The following CCNP variants were observed in gnomAD, a reference collection of about 807,000 sequenced individuals.
The protein encoded by CCNP is cyclin P.
Under a neutral mutation model 19.6 loss-of-function variants are expected in CCNP, and 18 were observed. The ratio of observed to expected loss-of-function variants is 0.92; its 90% confidence interval spans 0.64 to 1.36. The LOEUF (loss-of-function observed/expected upper bound fraction) is 1.36. Among genes scored for constraint, CCNP ranks in the 40% most tolerant of loss-of-function variants. CCNP has a pLI of 0.00. For missense variants in CCNP, 440 were observed against 424.4 expected (o/e 1.04, Z -0.32); for synonymous variants, 228 against 194.9 (o/e 1.17, Z -1.41).
rs762786202 is a variant in CCNP, at chr19:40,224,660, G to T, written c.358-17C>A. On this transcript the variant is annotated splice_polypyrimidine_tract_variant and intron_variant, in intron 2 of 4. Coordinates refer to ENST00000430325, the MANE Select transcript of CCNP (RefSeq NM_024877.4). ...CAGGTACTCCTGAGGAGGGGCAAGGGTGACCACGGGGTCCTGGGCGGCGAC... is the reference window on the plus strand; with the variant it reads ...CAGGTACTCCTGAGGAGGGGCAAGGTTGACCACGGGGTCCTGGGCGGCGAC... 2 of 1,614,094 alleles carry T rather than the reference G, an allele frequency of 1.2e-6. No homozygotes were observed. The highest frequency in any genetic ancestry group is 1.7e-6 in the Non-Finnish European group (2 of 1,179,974).
rs535847119 is a variant in CCNP, at chr19:40,222,284, T to A, written c.*768A>T. The stretch of plus-strand genomic sequence containing the variant: ...AGGGTTTTGTTTTTTGTTGTTGATT[T>A]TTTTGTGACTGAGTCCCAGTACTCA... On this transcript the variant is annotated 3_prime_UTR_variant, in exon 5 of 5. Coordinates refer to ENST00000430325, the MANE Select transcript of CCNP (RefSeq NM_024877.4). 1 of 398,860 alleles carries A rather than the reference T, an allele frequency of 2.5e-6. No homozygotes were observed. The highest frequency in any genetic ancestry group is 3.6e-5 in the East Asian group (1 of 28,072). The allele number at this position is 398,860 out of a possible 1,614,324, so 24.7% of individuals were successfully genotyped here.
intron 3 of CCNP, 50 bp from the exon 4 acceptor site, chr19:40,223,596 C>T (rs776589524): frequency 2.1e-5 from 34 of 1,602,046 alleles, no homozygotes; most frequent in Non-Finnish European, 2.6e-5. Context: ...GATCCGGGCT[C>T]TTTACTCCCT....
Position 40,222,781 on chromosome 19 carries a change from C to CCATGGTTCGCCCTGCCACCTGGTAG in CCNP, c.*246_*270dup, listed in dbSNP as rs1568500582. 10 of 447,628 alleles carry CCATGGTTCGCCCTGCCACCTGGTAG rather than the reference C, an allele frequency of 2.2e-5. No homozygotes were observed. The highest frequency in any genetic ancestry group is 1.8e-4 in the African/African-American group (9 of 49,224). The allele number at this position is 447,628 out of a possible 1,614,324, so 27.7% of individuals were successfully genotyped here. On this transcript the variant is annotated 3_prime_UTR_variant, in exon 5 of 5. Transcript: ENST00000430325. ...TGCTGGGTGCACAGGCTGAGGGAAA[C>CCATGGTTCGCCCTGCCACCTGGTAG]CATGGTTCGCCCTGCCACCTGGTAG...
Position 40,226,458 on chromosome 19 carries a change from G to A in CCNP, c.184C>T (p.Pro62Ser). ...PTVSPRRLAR[P>S]PGLEEALSAL... ...CTCAGCGCCTCCTCCAGCCCCGGCG[G>A]CCTCGCCAGGCGTCTTGGGGAGACA... Residue 62 changes from proline (P) to serine (S), a missense_variant, in exon 1 of 5, where the codon CCG (proline) becomes TCG (serine). By Grantham distance (74) the Pro-to-Ser change is moderately conservative. Coordinates refer to ENST00000430325, the MANE Select transcript of CCNP (RefSeq NM_024877.4). 2 of 1,608,050 alleles carry A rather than the reference G, an allele frequency of 1.2e-6. No individual in the cohort carries two copies. Among genetic ancestry groups the A allele is most frequent in the Non-Finnish European group, 8.5e-7 (1 of 1,178,744 alleles).
In CCNP at chr19:40,223,406, C is replaced by G; in HGVS notation, c.654G>C (p.Leu218=). Residue 218 remains leucine (L), a synonymous_variant, in exon 4 of 5, where the codon CTG becomes CTC. Transcript: ENST00000430325. ...PLLCLGLLAA[L]AGSSPQVMLL... is the part of the protein sequence containing the mutation. ...GGCTCACCTGGGGGCTGCTCCCTGC[C>G]AGCGCGGCCAGCAGCCCGAGGCACA... The G allele has an allele frequency of 6.4e-7, 1 of 1,573,212 alleles. No homozygotes were observed. Among genetic ancestry groups the G allele is most frequent in the Non-Finnish European group, 8.6e-7 (1 of 1,160,934 alleles).
chr19:40,226,277 G>C, intron 1 of CCNP, 98 bp downstream of exon 1: 1 of 1,061,288 alleles, frequency 9.4e-7, no homozygotes, highest in Non-Finnish European at 1.4e-6. Context: ...GTGATAGGGA[G>C]GAGAGGCTGG....
At chr19:40,225,062 CTTTT>C (rs11301448) in intron 1 of CCNP, 1,219 of 371,100 alleles carry the variant, frequency 3.3e-3, no homozygotes, top group Middle Eastern at 5.6e-3. Context: ...CCAGACTTCA[CTTTT>C]TTTTTTTTTT....
intron 3 of CCNP, 87 bp from the exon 4 acceptor site, chr19:40,223,633 C>A: frequency 6.3e-7 from 1 of 1,576,126 alleles, no homozygotes; most frequent in Non-Finnish European, 8.7e-7. Flanking sequence ...AAGTTCCGGA[C>A]CTCAGTTTCC....
At position 40,223,388 on chromosome 19, in the gene CCNP, C is replaced by A; in HGVS notation, c.672G>T (p.Gln224His). 1 of 1,542,150 alleles carries A rather than the reference C, an allele frequency of 6.5e-7. No homozygotes were observed. Among genetic ancestry groups the A allele is most frequent in the South Asian group, 1.2e-5 (1 of 83,318 alleles). ...LLAALAGSSP[Q>H]VMLLATYFLE... ...ACCCCGCGTATTCACAAGGGCTCAC[C>A]TGGGGGCTGCTCCCTGCCAGCGCGG... Residue 224 changes from glutamine (Q) to histidine (H), a missense_variant and splice_region_variant, in exon 4 of 5, where the codon CAG becomes CAT. Coordinates refer to ENST00000430325, the MANE Select transcript of CCNP (RefSeq NM_024877.4).
chr19:40,224,701 C>G, intron 2 of CCNP, 21 bp downstream of exon 2: 2 of 1,602,800 alleles, frequency 1.2e-6, no homozygotes, highest in South Asian at 1.1e-5. Context: ...CTCAGCCCCC[C>G]ACACCCTTCC....
chr19:40,225,247 C>T (rs1051931615), intron 1 of CCNP, among the ~76,000 whole-genome samples: 29 of 151,852 alleles, frequency 1.9e-4, no homozygotes, highest in African/African-American at 6.8e-4. Context: ...TTTGTAGAGA[C>T]GGGGTTTCAC....
At position 40,222,916 on chromosome 19, in the gene CCNP, G is replaced by C. The variant is rs1439808628; in HGVS notation, c.*136C>G. 1.7e-6 allele frequency: 1 copy of C among 592,734 alleles called. No individual in the cohort carries two copies. The highest frequency in any genetic ancestry group is 3.0e-6 in the Non-Finnish European group (1 of 332,740). 36.7% of individuals were successfully genotyped at this position (592,734 alleles called of 1,614,324 possible). A position where few individuals can be genotyped will look rare whatever the true frequency, so the allele number is the denominator to read the frequency against. On this transcript the variant is annotated 3_prime_UTR_variant, in exon 5 of 5. Transcript: ENST00000430325. ...TCGTTCTCAGCCCTGGAAGGCAATA[G>C]GAGCATCTTCTGGGCCTGGGAGACT...
rs143233633 is a variant in CCNP, at chr19:40,224,605, C to A, written c.396G>T (p.Ala132=). ...LGLAGDTLYL[A]VHLLDSYLSA... ...TCAGGTAGGAATCAAGCAGGTGAAC[C>A]GCCAGATAAAGTGTGTCACCAGCCA... Residue 132 remains alanine, a synonymous_variant, in exon 3 of 5, where the codon GCG becomes GCT. Transcript: ENST00000430325. 4 of 1,614,240 alleles carry A rather than the reference C, an allele frequency of 2.5e-6. No individual in the cohort carries two copies. Among genetic ancestry groups the A allele is most frequent in the Middle Eastern group, 1.6e-4 (1 of 6,062 alleles).
At position 40,224,815 on chromosome 19, in the gene CCNP, G is replaced by A. The variant is rs1047060501; in HGVS notation, c.268-4C>T. 3 of 1,550,962 alleles carry A rather than the reference G, an allele frequency of 1.9e-6. No individual in the cohort carries two copies. Among genetic ancestry groups the A allele is most frequent in the African/African-American group, 1.4e-5 (1 of 73,024 alleles). The stretch of plus-strand genomic sequence containing the variant: ...TCAGGGGCAGCACGCGGCACACCTG[G>A]GGTTGGGGCAGGGACGCTTCACTCT... On this transcript the variant is annotated splice_region_variant and splice_polypyrimidine_tract_variant and intron_variant, in intron 1 of 4. Transcript: ENST00000430325.
chr19:40,226,482 C>G lies in CCNP; in HGVS notation c.160G>C (p.Val54Leu). 2 of 1,604,788 alleles carry G rather than the reference C, an allele frequency of 1.2e-6. No individual in the cohort carries two copies. The highest frequency in any genetic ancestry group is 1.7e-6 in the Non-Finnish European group (2 of 1,176,896). Residue 54 changes from valine to leucine, a missense_variant, in exon 1 of 5, where the codon GTC (valine) becomes CTC (leucine). Transcript: ENST00000430325. ...GGCCTCGCCAGGCGTCTTGGGGAGA[C>G]AGTGGGGCCCGCGGGGAAGCCGTCG... Reference protein sequence around the residue: ...VPDGFPAGPTVSPRRLARPPG... With the variant: ...VPDGFPAGPTLSPRRLARPPG...
intron 1 of CCNP, 51 bp downstream of exon 1, chr19:40,226,324 G>C: frequency 1.3e-6 from 2 of 1,538,000 alleles, no homozygotes; most frequent in Non-Finnish European, 1.8e-6. Context: ...AGTGGGTGCC[G>C]GGCGGTGGGC....
At position 40,222,685 on chromosome 19, in the gene CCNP, G is replaced by A. The variant is rs141886151; in HGVS notation, c.*367C>T. On this transcript the variant is annotated 3_prime_UTR_variant, in exon 5 of 5. Coordinates refer to ENST00000430325, the MANE Select transcript of CCNP (RefSeq NM_024877.4). ...GGACACCCTATTCTTCCTACAGGGC[G>A]CGGCTAGTGCGGAGTCAGAACACTC... The A allele has an allele frequency of 5.7e-4, 227 of 401,348 alleles. No individual in the cohort carries two copies. The East Asian group carries it at 7.6e-3, about 13-fold the overall frequency. 24.9% of individuals were successfully genotyped at this position (401,348 alleles called of 1,614,324 possible). A position where few individuals can be genotyped will look rare whatever the true frequency, so the allele number is the denominator to read the frequency against.
Position 40,226,327 on chromosome 19 carries a change from C to A in CCNP, c.267+48G>T, listed in dbSNP as rs748913209. ...AGAGTGGTGTTGAGTGGGTGCCGGG[C>A]GGTGGGCCGGCGTCGCCCTCACCAG... On this transcript the variant is annotated intron_variant, in intron 1 of 4. Coordinates refer to ENST00000430325, the MANE Select transcript of CCNP (RefSeq NM_024877.4). 8.4e-6 allele frequency: 13 copies of A among 1,541,380 alleles called. No homozygotes were observed. In the Admixed American group the frequency reaches 1.0e-4, roughly 12 times the overall value.
Position 40,223,200 on chromosome 19 carries a change from T to C in CCNP, c.776A>G (p.His259Arg). The change falls in exon 5 of 5, where the codon CAC becomes CGC. Residue 259 changes from histidine (H) to arginine (R), a missense_variant. His to Arg is a conservative substitution (Grantham distance 29, BLOSUM62 0). Transcript: ENST00000430325. Reference protein sequence around the residue: ...RRAAAALSLAHRLLDGAGSRL... With the variant: ...RRAAAALSLARRLLDGAGSRL... ...GGAGCCCGCCCCGTCGAGCAAGCGGTGCGCCAGGCTCAGAGCCGCAGCCGC... is the reference window on the plus strand; with the variant it reads ...GGAGCCCGCCCCGTCGAGCAAGCGGCGCGCCAGGCTCAGAGCCGCAGCCGC... 2 of 1,550,390 alleles carry C rather than the reference T, an allele frequency of 1.3e-6. No homozygotes were observed. The highest frequency in any genetic ancestry group is 1.7e-6 in the Non-Finnish European group (2 of 1,146,762).
Sources: allele counts gnomAD v4.1 joint callset (sites outside exome capture counted in the v4.1 genomes callset), GRCh38; gene constraint gnomAD v4.1.1; transcripts MANE v1.5; gene names NCBI Gene and HGNC (gene_info 2026-07-23, HGNC 2026-07-21).